Variants in CDH23 observed in about 807,000 individuals in gnomAD.
The protein encoded by CDH23 is cadherin related 23, also known as cadherin-23.
Under a neutral mutation model 317.1 loss-of-function variants are expected in CDH23, and 189 were observed. The observed-to-expected ratio is 0.60, with a 90% confidence interval of 0.53 to 0.67. CDH23 has a LOEUF of 0.67. CDH23 is among the 30% of genes least tolerant of loss of function. The pLI, the probability that CDH23 is intolerant of heterozygous loss-of-function variation, is 0.00. For missense variants in CDH23, 4,401 were observed against 4,592.4 expected (o/e 0.96, Z 1.20); for synonymous variants, 1,839 against 1,876.8 (o/e 0.98, Z 0.52).
chr10:71,579,847 AGGG>A (rs1858501183), intron 9 of CDH23, among the ~76,000 whole-genome samples: 1 of 152,144 alleles, frequency 6.6e-6, no homozygotes, highest in Non-Finnish European at 1.5e-5. Flanking sequence ...TGGAGAACTG[AGGG>A]AACACCGGTG....
intron 9 of CDH23, among the ~76,000 whole-genome samples, chr10:71,583,542 A>G (rs1858802785): frequency 6.6e-6 from 1 of 152,078 alleles, no homozygotes; most frequent in Non-Finnish European, 1.5e-5. Flanking sequence ...ACATTAGGAG[A>G]CAGAGGCCAA....
At chr10:71,783,084 C>T (rs939265490) in intron 41 of CDH23, among the ~76,000 whole-genome samples, 7 of 152,242 alleles carry the variant, frequency 4.6e-5, no homozygotes, top group Non-Finnish European at 1.0e-4. Context: ...GTGCCCCATT[C>T]TGGGCCCTTC....
chr10:71,775,311 C>A (rs879428547), intron 38 of CDH23, among the ~76,000 whole-genome samples: 1 of 152,276 alleles, frequency 6.6e-6, no homozygotes, highest in East Asian at 1.9e-4. Flanking sequence ...CTCAGGACAC[C>A]CTTGAAACCA....
At chr10:71,657,290 A>G (rs1487780221) in intron 14 of CDH23, among the ~76,000 whole-genome samples, 1 of 152,244 alleles carries the variant, frequency 6.6e-6, no homozygotes, top group African/African-American at 2.4e-5. Context: ...CAACTATAAA[A>G]TGGGAAGAGT....
chr10:71,453,738 G>A (rs1394677034), intron 3 of CDH23, among the ~76,000 whole-genome samples: 1 of 152,212 alleles, frequency 6.6e-6, no homozygotes, highest in African/African-American at 2.4e-5. Context: ...CAGGTGAGAG[G>A]GGTCATGGTA....
At chr10:71,755,323 A>G in intron 38 of CDH23, 1 of 1,571,972 alleles carries the variant, frequency 6.4e-7, no homozygotes, top group Non-Finnish European at 8.7e-7. Flanking sequence ...GGTCACTCGC[A>G]CCGTCCACCC....
chr10:71,791,399 G>C (rs1388156711), intron 47 of CDH23, 64 bp downstream of exon 47: 1 of 1,440,896 alleles, frequency 6.9e-7, no homozygotes, highest in African/African-American at 1.4e-5. Flanking sequence ...CAGGGGACTG[G>C]AGCCTCAGGT....
intron 3 of CDH23, among the ~76,000 whole-genome samples, chr10:71,459,284 G>A (rs1034613990): frequency 1.3e-5 from 2 of 151,836 alleles, no homozygotes; most frequent in Admixed American, 6.6e-5. Context: ...TGTAGAGATG[G>A]GGGTCTCCCT....
chr10:71,471,603 T>C (rs1199061350), intron 3 of CDH23, among the ~76,000 whole-genome samples: 1 of 152,168 alleles, frequency 6.6e-6, no homozygotes, highest in Admixed American at 6.5e-5. Flanking sequence ...AGCTGAGCCC[T>C]GGAAGCTGCA....
chr10:71,679,067 T>C (rs1589324385), intron 16 of CDH23, among the ~76,000 whole-genome samples: 1 of 151,538 alleles, frequency 6.6e-6, no homozygotes, highest in Non-Finnish European at 1.5e-5. Context: ...GGGTGGGAGG[T>C]AATTGTGTCT....
intron 9 of CDH23, among the ~76,000 whole-genome samples, chr10:71,579,277 G>T (rs1858459833): frequency 6.6e-6 from 1 of 152,104 alleles, no homozygotes; most frequent in South Asian, 2.1e-4. Context: ...CTGCTGACAT[G>T]ACTATTGTTG....
intron 6 of CDH23, among the ~76,000 whole-genome samples, chr10:71,522,661 T>C: frequency 6.6e-6 from 1 of 152,122 alleles, no homozygotes; most frequent in East Asian, 1.9e-4. Flanking sequence ...AGCTAACCCC[T>C]GTGGTCATTA....
intron 11 of CDH23, among the ~76,000 whole-genome samples, chr10:71,634,840 A>G (rs1394319983): frequency 6.6e-6 from 1 of 152,250 alleles, no homozygotes; most frequent in African/African-American, 2.4e-5. Context: ...ATCTCCACAT[A>G]AAGCTTGCCC....
In CDH23 at chr10:71,788,298, C is replaced by T. The variant is rs59199436; in HGVS notation, c.5821-642C>T. 7.2e-3 allele frequency among the ~76,000 whole-genome samples: 1,102 copies of T among 152,132 alleles called. 30 individuals carry two copies. In the East Asian group the frequency reaches 0.082, roughly 11 times the overall value. ...CTCCTGACCTTAAGTGATCCGCCCA[C>T]CTCAGACTCCCAAAGTGCTGGGATT... On this transcript the variant is annotated intron_variant, in intron 44 of 69. Transcript: ENST00000224721.
intron 66 of CDH23, 92 bp from the exon 67 acceptor site, chr10:71,812,388 G>C: frequency 6.2e-7 from 1 of 1,605,226 alleles, no homozygotes. Flanking sequence ...TATATGGCCA[G>C]GGAAATGGGC....
At chr10:71,569,071 G>T (rs1239978671) in intron 7 of CDH23, among the ~76,000 whole-genome samples, 2 of 152,216 alleles carry the variant, frequency 1.3e-5, no homozygotes, top group Non-Finnish European at 2.9e-5. Context: ...GTGCCTGGTG[G>T]TCATTCAGGT....
chr10:71,491,670 A>G (rs766510204), intron 3 of CDH23, among the ~76,000 whole-genome samples: 30 of 152,150 alleles, frequency 2.0e-4, no homozygotes, highest in South Asian at 6.2e-4. Flanking sequence ...TTGTCAGAGG[A>G]TGAGGGTTTC....
At chr10:71,401,219 C>T (rs1273170130) in intron 1 of CDH23, among the ~76,000 whole-genome samples, 1 of 152,182 alleles carries the variant, frequency 6.6e-6, no homozygotes, top group Non-Finnish European at 1.5e-5. Flanking sequence ...AGGAAGCCCT[C>T]CTGAGTCCTC....
chr10:71,548,793 A>G (rs1856428405), intron 6 of CDH23, among the ~76,000 whole-genome samples: 1 of 152,252 alleles, frequency 6.6e-6, no homozygotes, highest in Non-Finnish European at 1.5e-5. Flanking sequence ...GCCTGTCCCC[A>G]TGAAGAAGCC....
Sources: allele counts gnomAD v4.1 joint callset (sites outside exome capture counted in the v4.1 genomes callset), GRCh38; gene constraint gnomAD v4.1.1; transcripts MANE v1.5; gene names NCBI Gene and HGNC (gene_info 2026-07-23, HGNC 2026-07-21).